The following MROH7 variants were observed in gnomAD, a reference collection of about 807,000 sequenced individuals.
MROH7 encodes maestro heat-like repeat-containing protein family member 7.
In MROH7, 113 loss-of-function variants were observed where a neutral mutation model predicts 129.2. That is an observed-to-expected ratio of 0.87 (90% CI 0.75 to 1.02). The LOEUF (loss-of-function observed/expected upper bound fraction) is 1.02. MROH7 is among the 50% of genes least tolerant of loss of function. MROH7 has a pLI of 0.00. For missense variants in MROH7, 1,601 were observed against 1,671.3 expected (o/e 0.96, Z 0.73); for synonymous variants, 655 against 667.9 (o/e 0.98, Z 0.30).
At chr1:54,686,590 T>A in intron 15 of MROH7, 142 bp downstream of exon 15, 1 of 714,552 alleles carries the variant, frequency 1.4e-6, no homozygotes, top group Non-Finnish European at 2.3e-6. Flanking sequence ...CACAATTTTA[T>A]TAGAGCCAAT....
intron 15 of MROH7, among the ~76,000 whole-genome samples, chr1:54,692,097 TCGG>T (rs1452799494): frequency 1.3e-5 from 2 of 152,262 alleles, no homozygotes. Flanking sequence ...GGAGAAGGAC[TCGG>T]CCCACATAGG....
At chr1:54,691,857 A>ATCTC (rs377566096) in intron 15 of MROH7, among the ~76,000 whole-genome samples, 2 of 114,554 alleles carry the variant, frequency 1.7e-5, no homozygotes, top group South Asian at 2.8e-4. Flanking sequence ...CCTCTGTCTG[A>ATCTC]TCTCTCTCTC....
chr1:54,706,569 C>A, intron 22 of MROH7, 32 bp downstream of exon 22: 1 of 1,507,738 alleles, frequency 6.6e-7, no homozygotes, highest in Non-Finnish European at 9.2e-7. Context: ...CATCCTGCTG[C>A]CAGGGCTCTG....
rs780480424 is a variant in MROH7, at chr1:54,645,651, C to CTTTTTT, written c.-110+3686_-110+3687insTTTTTT. Reference sequence around the variant, plus strand: ...GATATTTCTTTTCTTTTCTTTCTTTCTTTCTTTTTTTTTTTTTTTGAGACA... The same window carrying CTTTTTT: ...GATATTTCTTTTCTTTTCTTTCTTTCTTTTTTTTTCTTTTTTTTTTTTTTTGAGACA... On this transcript the variant is annotated intron_variant, in intron 1 of 23. Coordinates refer to ENST00000421030, the MANE Select transcript of MROH7 (RefSeq NM_001039464.4). 2.2e-3 allele frequency among the ~76,000 whole-genome samples: 239 copies of CTTTTTT among 110,140 alleles called. 3 individuals are homozygous for CTTTTTT. Among genetic ancestry groups the CTTTTTT allele is most frequent in the Non-Finnish European group, 2.4e-3 (132 of 56,168 alleles). The allele number at this position is 110,140 out of a possible 152,430, so 72.3% of individuals were successfully genotyped here.
Position 54,703,986 on chromosome 1 carries a change from G to C in MROH7, c.3564+1241G>C, listed in dbSNP as rs548537293. 5.9e-5 allele frequency among the ~76,000 whole-genome samples: 9 copies of C among 152,270 alleles called. No homozygotes were observed. Among genetic ancestry groups the C allele is most frequent in the South Asian group, 4.2e-4 (2 of 4,818 alleles). On this transcript the variant is annotated intron_variant, in intron 21 of 23. Transcript: ENST00000421030. The surrounding 1 kb of genome is among the most constrained non-coding windows in gnomAD (Gnocchi z 4.4). ...GAAGGGCTTGACCTTGGGCCAGGCA[G>C]TTCTCAGCCCAGGCAATGCCCAGAG...
intron 17 of MROH7, chr1:54,698,940 C>T (rs560443687): frequency 6.6e-6 from 1 of 151,808 alleles, no homozygotes; most frequent in South Asian, 2.1e-4. Flanking sequence ...ATTACAGGCA[C>T]CTGCCACCAT....
chr1:54,697,578 C>A, intron 17 of MROH7: 1 of 634,088 alleles, frequency 1.6e-6, no homozygotes, highest in South Asian at 1.8e-5. Flanking sequence ...GGGAAACTAC[C>A]ATTACTTACA....
At position 54,701,197 on chromosome 1, in the gene MROH7, G is replaced by A; in HGVS notation, c.3160G>A (p.Asp1054Asn). The A allele has an allele frequency of 1.2e-6, 2 of 1,614,230 alleles. No individual in the cohort carries two copies. Among genetic ancestry groups the A allele is most frequent in the Non-Finnish European group, 1.7e-6 (2 of 1,180,036 alleles). The change falls in exon 19 of 24, where the codon GAT becomes AAT. Residue 1054 changes from aspartate to asparagine, a missense_variant. By Grantham distance (23) the Asp-to-Asn change is conservative (BLOSUM62 1). Coordinates refer to ENST00000421030, the MANE Select transcript of MROH7 (RefSeq NM_001039464.4). The part of the protein sequence containing the change: ...PSMVKGLKNM[D>N]GMLVVEAVHN... The stretch of plus-strand genomic sequence containing the variant: ...CATGGTGAAGGGCCTGAAGAACATG[G>A]ATGGGATGCTGGTGGTGGAAGCGGT...
intron 16 of MROH7, among the ~76,000 whole-genome samples, chr1:54,692,794 C>A (rs139444523): frequency 1.3e-5 from 2 of 152,320 alleles, no homozygotes; most frequent in East Asian, 3.9e-4. Flanking sequence ...CTTAGACTAT[C>A]CACAAAGCAC....
intron 4 of MROH7, among the ~76,000 whole-genome samples, chr1:54,666,417 G>A (rs1644815223): frequency 7.1e-6 from 1 of 141,540 alleles, no homozygotes; most frequent in African/African-American, 2.6e-5. Context: ...GGAGGCGGGA[G>A]AAGAGGAATT....
intron 12 of MROH7, among the ~76,000 whole-genome samples, chr1:54,679,678 C>T (rs1187604408): frequency 1.3e-5 from 2 of 152,082 alleles, no homozygotes; most frequent in African/African-American, 2.4e-5. Context: ...GTGGGTTTGG[C>T]GGTGGAAGCA....
At chr1:54,661,369 T>C (rs1644729128) in intron 3 of MROH7, among the ~76,000 whole-genome samples, 1 of 151,782 alleles carries the variant, frequency 6.6e-6, no homozygotes, top group Non-Finnish European at 1.5e-5. Flanking sequence ...TGTGCCACCA[T>C]GCCTGGCTAA....
intron 23 of MROH7, among the ~76,000 whole-genome samples, chr1:54,709,375 C>T (rs776942372): frequency 1.3e-5 from 2 of 152,188 alleles, no homozygotes; most frequent in African/African-American, 4.8e-5. Flanking sequence ...GATGCCACTG[C>T]GCCTGCTAAT....
At chr1:54,665,342 G>A in intron 4 of MROH7, 102 bp downstream of exon 4, 1 of 771,370 alleles carries the variant, frequency 1.3e-6, no homozygotes, top group Non-Finnish European at 2.2e-6. Flanking sequence ...CCATGCCTCT[G>A]CCCAGCTCTC....
At chr1:54,674,985 CTT>C (rs59158366) in intron 10 of MROH7, among the ~76,000 whole-genome samples, 2 of 149,230 alleles carry the variant, frequency 1.3e-5, no homozygotes, top group African/African-American at 4.9e-5. Flanking sequence ...ATAATTCATG[CTT>C]TTTTTTTTGA....
intron 22 of MROH7, among the ~76,000 whole-genome samples, chr1:54,707,782 G>A (rs1310001207): frequency 6.6e-6 from 1 of 151,918 alleles, no homozygotes; most frequent in East Asian, 1.9e-4. Context: ...ACCTTTTTTG[G>A]GTTATGGCTT....
rs573101458 is a variant in MROH7 at position 54,659,779 on chromosome 1, T to G, written c.1232-5388T>G. 5.3e-5 allele frequency among the ~76,000 whole-genome samples: 8 copies of G among 152,298 alleles called. No homozygotes were observed. In the South Asian group the frequency reaches 8.3e-4, roughly 16 times the overall value. ...TACTTACTGTTTTGACTCTGGCTTC[T>G]TTAGTGCAACATTATGTCTGTTGGA... On this transcript the variant is annotated intron_variant, in intron 3 of 23. Transcript: ENST00000421030.
In MROH7 at chr1:54,679,998, G is replaced by T; in HGVS notation, c.2334G>T (p.Met778Ile). 1 of 1,614,016 alleles carries T rather than the reference G, an allele frequency of 6.2e-7. No individual in the cohort carries two copies. Among genetic ancestry groups the T allele is most frequent in the South Asian group, 1.1e-5 (1 of 91,076 alleles). Residue 778 changes from methionine to isoleucine, a missense_variant, in exon 13 of 24, where the codon ATG becomes ATT. Met to Ile is a conservative substitution (Grantham distance 10). Coordinates refer to ENST00000421030, the MANE Select transcript of MROH7 (RefSeq NM_001039464.4). ...LPVSLLASSFMTEVVVALLMC... is the reference protein window; with the variant it reads ...LPVSLLASSFITEVVVALLMC... ...TCTCCCTCCTGGCTAGCTCCTTCATGACCGAGGTTGTGGTGGCCCTGCTCA... is the reference window on the plus strand; with the variant it reads ...TCTCCCTCCTGGCTAGCTCCTTCATTACCGAGGTTGTGGTGGCCCTGCTCA...
rs374057433 is a variant in MROH7 at position 54,665,745 on chromosome 1, C to T, written c.1305+505C>T. The stretch of plus-strand genomic sequence containing the variant: ...GGGGAAGACTAGACAAACCGGTGGA[C>T]GTGAGTGCGACACAGGGAGTGTGGA... On this transcript the variant is annotated intron_variant, in intron 4 of 23. Transcript: ENST00000421030. The T allele has an allele frequency of 1.3e-4, 21 of 156,036 alleles. No homozygotes were observed. In the East Asian group the frequency reaches 1.5e-3, roughly 11 times the overall value. The allele number at this position is 156,036 out of a possible 1,614,324, so 9.7% of individuals were successfully genotyped here.
Sources: gnomAD v4.1 joint callset for allele counts (sites outside exome capture counted in the v4.1 genomes callset) on GRCh38, gnomAD v4.1.1 for gene constraint, Gnocchi (gnomAD v3.1) non-coding constraint, MANE v1.5 for transcripts, NCBI Gene and HGNC (gene_info 2026-07-23, HGNC 2026-07-21) for gene names.